The following CDH12 variants were observed in gnomAD, a reference collection of about 807,000 sequenced individuals.
CDH12 encodes cadherin-12.
In CDH12, 41 loss-of-function variants were observed where a neutral mutation model predicts 74.1. That is an observed-to-expected ratio of 0.55 (90% CI 0.43 to 0.72). CDH12 has a LOEUF of 0.72. Ranked by LOEUF, CDH12 falls within the 30% of genes least tolerant of loss-of-function variation. The pLI is 0.00. For synonymous variants in CDH12, 399 were observed against 355.0 expected, an observed-to-expected ratio of 1.12 and a Z score of -1.39; for missense variants, 945 against 977.2, an observed-to-expected ratio of 0.97 and a Z score of 0.44.
intron 3 of CDH12, among the ~76,000 whole-genome samples, chr5:22,215,910 G>C (rs114971424): frequency 6.6e-6 from 1 of 152,008 alleles, no homozygotes; most frequent in South Asian, 2.1e-4. Flanking sequence ...TGATGATAAC[G>C]CAAACTAATG....
chr5:22,661,797 C>G (rs552935837), intron 1 of CDH12, among the ~76,000 whole-genome samples: 8 of 152,092 alleles, frequency 5.3e-5, no homozygotes, highest in Non-Finnish European at 1.0e-4. Context: ...TTCGTAGACT[C>G]TTAGGACAGG....
At chr5:21,815,912 G>T (rs993111023) in intron 9 of CDH12, among the ~76,000 whole-genome samples, 1 of 151,962 alleles carries the variant, frequency 6.6e-6, no homozygotes, top group African/African-American at 2.4e-5. Flanking sequence ...AAAAAATTAG[G>T]TTACAATTAA....
intron 6 of CDH12, among the ~76,000 whole-genome samples, chr5:21,943,414 T>C (rs1487238445): frequency 1.3e-5 from 2 of 152,220 alleles, no homozygotes; most frequent in South Asian, 2.1e-4. Flanking sequence ...AAGTGGACTT[T>C]GTTTTTTTCC....
At chr5:22,818,758 G>A (rs191556465) in intron 1 of CDH12, among the ~76,000 whole-genome samples, 141 of 152,176 alleles carry the variant, frequency 9.3e-4, no homozygotes, top group Admixed American at 1.3e-3. Context: ...AGGTAAGTGA[G>A]GTTTCAAAGT....
At chr5:22,368,662 T>C (rs1346859012) in intron 3 of CDH12, among the ~76,000 whole-genome samples, 1 of 152,196 alleles carries the variant, frequency 6.6e-6, no homozygotes, top group Non-Finnish European at 1.5e-5. Context: ...ATATCTATAG[T>C]AATAGAAGCC....
chr5:22,391,814 A>C (rs1280011080), intron 3 of CDH12, among the ~76,000 whole-genome samples: 1 of 152,164 alleles, frequency 6.6e-6, no homozygotes, highest in Non-Finnish European at 1.5e-5. Flanking sequence ...AAACCTAAGA[A>C]AGCAGAAACT....
intron 1 of CDH12, among the ~76,000 whole-genome samples, chr5:22,657,319 A>G (rs1487297097): frequency 6.6e-6 from 1 of 152,122 alleles, no homozygotes; most frequent in Non-Finnish European, 1.5e-5. Flanking sequence ...CGCAATCTGG[A>G]GGCTGATTAT....
chr5:22,586,490 A>AATATAT (rs71609772), intron 1 of CDH12, among the ~76,000 whole-genome samples: 3,021 of 124,996 alleles, frequency 0.024, 33 homozygotes, highest in African/African-American at 0.037. Flanking sequence ...AGTATAATAA[A>AATATAT]ATATATATAT....
chr5:22,790,773 G>A (rs573784321), intron 1 of CDH12, among the ~76,000 whole-genome samples: 10 of 152,172 alleles, frequency 6.6e-5, no homozygotes, highest in Admixed American at 2.0e-4. Context: ...GAGCTGTTAC[G>A]TAAATATCAG....
chr5:22,257,380 TATA>T (rs1159763317), intron 3 of CDH12, among the ~76,000 whole-genome samples: 1 of 152,036 alleles, frequency 6.6e-6, no homozygotes, highest in Admixed American at 6.6e-5. Context: ...GAAAAGCTTA[TATA>T]ATAAGGATAT....
rs950643965 is a variant in CDH12, at chr5:21,761,034, A to G, written c.1516-359T>C. On this transcript the variant is annotated intron_variant, in intron 12 of 14. Coordinates refer to ENST00000382254, the MANE Select transcript of CDH12 (RefSeq NM_004061.5). ...AGCCTGAATGTGAAAATGCTTACTG[A>G]AAACAAAATCTCTGATTATCTAAAA... 1.6e-4 allele frequency among the ~76,000 whole-genome samples: 24 copies of G among 152,278 alleles called. 1 individual carries two copies. The highest frequency in any genetic ancestry group is 5.3e-4 in the African/African-American group (22 of 41,574).
At chr5:22,648,843 T>G (rs1044058097) in intron 1 of CDH12, among the ~76,000 whole-genome samples, 3 of 151,986 alleles carry the variant, frequency 2.0e-5, no homozygotes, top group African/African-American at 7.2e-5. Context: ...TTCATGATAT[T>G]TTTTCTCAGT....
chr5:22,404,325 C>T (rs2126455977), intron 3 of CDH12, among the ~76,000 whole-genome samples: 1 of 152,116 alleles, frequency 6.6e-6, no homozygotes, highest in African/African-American at 2.4e-5. Flanking sequence ...GATTTTCTTT[C>T]AGCTCTTCTT....
At chr5:21,941,776 T>C (rs1161564372) in intron 6 of CDH12, among the ~76,000 whole-genome samples, 1 of 151,400 alleles carries the variant, frequency 6.6e-6, no homozygotes, top group Non-Finnish European at 1.5e-5. Flanking sequence ...GTACCCATCT[T>C]TAAGTTTTAA....
At chr5:21,990,821 T>A (rs1245561084) in intron 5 of CDH12, among the ~76,000 whole-genome samples, 6 of 151,444 alleles carry the variant, frequency 4.0e-5, no homozygotes, top group Non-Finnish European at 7.4e-5. Context: ...GACACACAAG[T>A]AAAAATATTC....
intron 9 of CDH12, 126 bp from the exon 10 acceptor site, chr5:21,802,546 T>G (rs1747178787): frequency 1.3e-6 from 1 of 760,702 alleles, no homozygotes; most frequent in Admixed American, 2.6e-5. Flanking sequence ...TTCATTTTTC[T>G]TAATAACTAG....
intron 3 of CDH12, among the ~76,000 whole-genome samples, chr5:22,307,715 G>A (rs1738175005): frequency 6.6e-6 from 1 of 151,880 alleles, no homozygotes; most frequent in Admixed American, 6.6e-5. Flanking sequence ...GAGTCTTCTT[G>A]CATATTAATT....
chr5:22,133,540 A>G (rs57263803), intron 4 of CDH12, among the ~76,000 whole-genome samples: 17,893 of 152,090 alleles, frequency 0.12, 1,240 homozygotes, highest in African/African-American at 0.19. Flanking sequence ...TTTCAGTTAC[A>G]AATTTTAATC....
At chr5:22,654,807 T>G (rs1158734267) in intron 1 of CDH12, among the ~76,000 whole-genome samples, 1 of 151,280 alleles carries the variant, frequency 6.6e-6, no homozygotes, top group African/African-American at 2.4e-5. Flanking sequence ...ATTTTTGTAT[T>G]TTTAGTAGAG....
Sources: allele counts gnomAD v4.1 joint callset (sites outside exome capture counted in the v4.1 genomes callset), GRCh38; gene constraint gnomAD v4.1.1; transcripts MANE v1.5; gene names NCBI Gene and HGNC (gene_info 2026-07-23, HGNC 2026-07-21).